Variants in FGFR1 observed in about 807,000 individuals in gnomAD.
The protein encoded by FGFR1 is fibroblast growth factor receptor 1, also known as FGFR1/PLAG1 fusion.
In FGFR1, 18 loss-of-function variants were observed where a neutral mutation model predicts 93.7. That is an observed-to-expected ratio of 0.19 (90% CI 0.13 to 0.28). The LOEUF is 0.28. Among genes scored for constraint, FGFR1 ranks in the 10% least tolerant of loss-of-function variants. The pLI is 1.00. For synonymous variants in FGFR1, 448 were observed against 429.3 expected, an observed-to-expected ratio of 1.04 and a Z score of -0.54; for missense variants, 731 against 1,080.4, an observed-to-expected ratio of 0.68 and a Z score of 4.53.
chr8:38,442,016 A>G (rs944309638), intron 2 of FGFR1, among the ~76,000 whole-genome samples: 1 of 152,090 alleles, frequency 6.6e-6, no homozygotes, highest in African/African-American at 2.4e-5. Flanking sequence ...ATTTTAATAG[A>G]AACATAGAGA....
intron 2 of FGFR1, among the ~76,000 whole-genome samples, chr8:38,443,349 T>C (rs765886337): frequency 6.6e-6 from 1 of 152,054 alleles, no homozygotes; most frequent in Non-Finnish European, 1.5e-5. Context: ...TACATAACCA[T>C]TATGCATCAA....
intron 9 of FGFR1, chr8:38,418,691 C>T (rs1023541406): frequency 2.9e-5 from 12 of 420,778 alleles, no homozygotes; most frequent in Non-Finnish European, 5.3e-5. Context: ...TTTGCAAATA[C>T]TTTGCCTTAG....
chr8:38,460,959 G>T, intron 1 of FGFR1: 1 of 1,084,142 alleles, frequency 9.2e-7, no homozygotes, highest in Non-Finnish European at 1.3e-6. Context: ...AGACCCTGCA[G>T]CTGGTTCCCC....
intron 2 of FGFR1, among the ~76,000 whole-genome samples, chr8:38,439,727 C>T (rs1217565213): frequency 6.6e-6 from 1 of 152,160 alleles, no homozygotes; most frequent in African/African-American, 2.4e-5. Flanking sequence ...CTCCTTCTCT[C>T]TCTCCAACAA....
intron 11 of FGFR1, 148 bp downstream of exon 11, chr8:38,417,721 AC>A (rs1249618293): frequency 1.8e-6 from 2 of 1,084,274 alleles, no homozygotes; most frequent in Non-Finnish European, 2.8e-6. Flanking sequence ...GGTGCAGAAC[AC>A]CCCCTCCACT....
rs2150754128 is a variant in FGFR1, at chr8:38,421,841, G to A, written c.1037C>T (p.Ser346Phe). 1 of 1,614,120 alleles carries A rather than the reference G, an allele frequency of 6.2e-7. No homozygotes were observed. The highest frequency in any genetic ancestry group is 8.5e-7 in the Non-Finnish European group (1 of 1,179,998). ...AGEYTCLAGN[S>F]IGLSHHSAWL... is the part of the protein sequence containing the mutation. ...TGCAGAGTGATGGGAGAGTCCGATA[G>A]AGTTACCCGCCAAGCACGTATACTC... Residue 346 changes from serine to phenylalanine, a missense_variant, in exon 8 of 18, where the codon TCT (serine) becomes TTT (phenylalanine). Coordinates refer to ENST00000447712, the MANE Select transcript of FGFR1 (RefSeq NM_023110.3).
Position 38,413,921 on chromosome 8 carries a change from G to C in FGFR1, c.2289C>G (p.Asn763Lys), listed in dbSNP as rs746786094. The change falls in exon 17 of 18, where the codon AAC becomes AAG. Residue 763 changes from asparagine (N) to lysine (K), a missense_variant. Physicochemically the swap from Asn to Lys is moderately conservative, Grantham distance 94. Around this residue, in one of 10 missense-constraint regions of FGFR1, gnomAD observed 79 missense variants for 97.2 expected, o/e 0.81. Coordinates refer to ENST00000447712, the MANE Select transcript of FGFR1 (RefSeq NM_023110.3). The surrounding 1 kb of genome is among the most constrained non-coding windows in gnomAD (Gnocchi z 4.2). ...DLDRIVALTS[N>K]QEYLDLSMPL... is the part of the protein sequence containing the mutation. The stretch of plus-strand genomic sequence containing the variant: ...GCTCTGGCACGGGCAGCCTTACCTG[G>C]TTGGAGGTCAAGGCCACGATGCGGT... The C allele has an allele frequency of 3.7e-6, 6 of 1,613,998 alleles. No homozygotes were observed. The highest frequency in any genetic ancestry group is 5.1e-6 in the Non-Finnish European group (6 of 1,179,936).
At chr8:38,437,823 G>C (rs1355991557) in intron 2 of FGFR1, among the ~76,000 whole-genome samples, 1 of 152,158 alleles carries the variant, frequency 6.6e-6, no homozygotes, top group East Asian at 1.9e-4. Flanking sequence ...ATGCCACATG[G>C]ACAAACACAC....
chr8:38,464,130 C>A (rs183215283), intron 1 of FGFR1, among the ~76,000 whole-genome samples: 8 of 152,112 alleles, frequency 5.3e-5, no homozygotes, highest in Admixed American at 5.2e-4. Context: ...GCCTGGCCAA[C>A]ATGGTGAAAC....
intron 9 of FGFR1, 89 bp downstream of exon 9, chr8:38,419,444 G>A (rs1234788463): frequency 8.1e-7 from 1 of 1,239,284 alleles, no homozygotes; most frequent in Non-Finnish European, 1.2e-6. Flanking sequence ...AAGGCCCAAA[G>A]CTATAAATTA....
intron 2 of FGFR1, among the ~76,000 whole-genome samples, chr8:38,449,925 G>A (rs547582290): frequency 3.5e-4 from 53 of 152,360 alleles, no homozygotes; most frequent in Non-Finnish European, 7.2e-4. Context: ...GAGGGTAGAA[G>A]TTCAATGTCT....
chr8:38,444,556 ATTTTTT>A (rs562700623), intron 2 of FGFR1, among the ~76,000 whole-genome samples: 6 of 129,234 alleles, frequency 4.6e-5, no homozygotes, highest in African/African-American at 1.2e-4. Context: ...GCGTGGCTAA[ATTTTTT>A]TTTTTTTTTT....
At position 38,413,874 on chromosome 8, in the gene FGFR1, A is replaced by G. The variant is rs2150515842; in HGVS notation, c.2292+44T>C. The G allele has an allele frequency of 6.2e-7, 1 of 1,613,418 alleles. No individual in the cohort carries two copies. Among genetic ancestry groups the G allele is most frequent in the Non-Finnish European group, 8.5e-7 (1 of 1,179,556 alleles). ...CCTGCTCAGGGAGGTGCGTGCACGC[A>G]GTGGGGACGGCCTGAGCTCTGGCTC... On this transcript the variant is annotated intron_variant, in intron 17 of 17. Transcript: ENST00000447712. This position sits in a 1 kb window ranked among gnomAD's most constrained non-coding sequence, Gnocchi z 4.2.
chr8:38,446,578 AATTTTTTGT>A (rs1829368452), intron 2 of FGFR1, among the ~76,000 whole-genome samples: 1 of 151,846 alleles, frequency 6.6e-6, no homozygotes, highest in African/African-American at 2.4e-5. Flanking sequence ...ACGCCCAGGT[AATTTTTTGT>A]ATTTTTTGTA....
In FGFR1 at chr8:38,429,760, C is replaced by A. The variant is rs751512391; in HGVS notation, c.280G>T (p.Ala94Ser). ...EEVEVQDSVPADSGLYACVTS... is the reference protein window; with the variant it reads ...EEVEVQDSVPSDSGLYACVTS... ...ACGCAAGCATAGAGGCCGGAGTCTGCGGGCACGGAGTCCTGCACCTCCACC... is the reference window on the plus strand; with the variant it reads ...ACGCAAGCATAGAGGCCGGAGTCTGAGGGCACGGAGTCCTGCACCTCCACC... The change falls in exon 3 of 18, where the codon GCA becomes TCA. Residue 94 changes from alanine to serine, a missense_variant. Physicochemically the swap from Ala to Ser is moderately conservative, Grantham distance 99 (BLOSUM62 1). Around this residue, in one of 10 missense-constraint regions of FGFR1, gnomAD observed 212 missense variants for 205.8 expected, o/e 1.03. Transcript: ENST00000447712. This position sits in a 1 kb window ranked among gnomAD's most constrained non-coding sequence, Gnocchi z 4.4. 6.2e-7 allele frequency: 1 copy of A among 1,601,234 alleles called. No individual in the cohort carries two copies. Among genetic ancestry groups the A allele is most frequent in the Non-Finnish European group, 8.5e-7 (1 of 1,173,994 alleles).
chr8:38,412,736 A>T lies in FGFR1; in HGVS notation c.*892T>A, dbSNP rs1175863302. ...CATACAGCCCATAGATAAATGAAGC[A>T]GCAGCAATTTTTATTGAGGGACCTA... is the stretch of plus-strand genomic sequence containing the variant. On this transcript the variant is annotated 3_prime_UTR_variant, in exon 18 of 18. Coordinates refer to ENST00000447712, the MANE Select transcript of FGFR1 (RefSeq NM_023110.3). 1 of 233,528 alleles carries T rather than the reference A, an allele frequency of 4.3e-6. No individual in the cohort carries two copies. The highest frequency in any genetic ancestry group is 5.6e-5 in the Admixed American group (1 of 17,772). 14.5% of individuals were successfully genotyped at this position (233,528 alleles called of 1,614,324 possible).
Position 38,428,328 on chromosome 8 carries a change from T to G in FGFR1, c.448+18A>C, listed in dbSNP as rs755650325. The G allele has an allele frequency of 6.2e-7, 1 of 1,611,760 alleles. No homozygotes were observed. Among genetic ancestry groups the G allele is most frequent in the South Asian group, 1.1e-5 (1 of 91,034 alleles). On this transcript the variant is annotated intron_variant, in intron 4 of 17. Transcript: ENST00000447712. Reference sequence around the variant, plus strand: ...TGCCCAGACCCAAAGGGCAGTAAGATAGGAAACAGTGTCTCACGCATACGG... The same window carrying G: ...TGCCCAGACCCAAAGGGCAGTAAGAGAGGAAACAGTGTCTCACGCATACGG...
chr8:38,431,112 G>A (rs1822945164), intron 2 of FGFR1, among the ~76,000 whole-genome samples: 1 of 152,210 alleles, frequency 6.6e-6, no homozygotes, highest in South Asian at 2.1e-4. Context: ...AAGAGACTCA[G>A]TGGAGCGACT....
intron 2 of FGFR1, among the ~76,000 whole-genome samples, chr8:38,438,552 A>AG (rs1826228131): frequency 6.6e-6 from 1 of 152,072 alleles, no homozygotes; most frequent in Admixed American, 6.6e-5. Flanking sequence ...CAAAAAAAAA[A>AG]AAAAAAAGGA....
Sources: gnomAD v4.1 joint callset for allele counts (sites outside exome capture counted in the v4.1 genomes callset) on GRCh38, gnomAD v4.1.1 for gene constraint, gnomAD v4.1.1 regional missense constraint, Gnocchi (gnomAD v3.1) non-coding constraint, MANE v1.5 for transcripts, NCBI Gene and HGNC (gene_info 2026-07-23, HGNC 2026-07-21) for gene names.